Variants in FOXN3 observed in about 807,000 individuals in gnomAD.
The protein encoded by FOXN3 is forkhead box N3.
In FOXN3, 7 loss-of-function variants were observed where a neutral mutation model predicts 38.4. That is an observed-to-expected ratio of 0.18 (90% confidence interval 0.10 to 0.34). The LOEUF is 0.34. Ranked by LOEUF, FOXN3 falls within the 10% of genes least tolerant of loss-of-function variation. The probability of loss-of-function intolerance (pLI) is 1.00; values close to 1 mark genes in which losing one functional copy is unlikely to be tolerated. For synonymous variants in FOXN3, 230 were observed against 242.2 expected, an observed-to-expected ratio of 0.95 and a Z score of 0.47; for missense variants, 456 against 613.4, an observed-to-expected ratio of 0.74 and a Z score of 2.71.
intron 2 of FOXN3, among the ~76,000 whole-genome samples, chr14:89,385,269 C>T (rs773651872): frequency 2.0e-5 from 3 of 151,964 alleles, no homozygotes; most frequent in Non-Finnish European, 2.9e-5. Flanking sequence ...CATAAACATG[C>T]TAATAAAGAA....
chr14:89,525,751 G>A (rs546989004), intron 1 of FOXN3, among the ~76,000 whole-genome samples: 2 of 151,942 alleles, frequency 1.3e-5, no homozygotes, highest in African/African-American at 4.8e-5. Flanking sequence ...GAAGAGGACA[G>A]AGTGCCTTCT....
chr14:89,398,018 C>T (rs1438059584), intron 2 of FOXN3, among the ~76,000 whole-genome samples: 1 of 152,172 alleles, frequency 6.6e-6, no homozygotes, highest in Non-Finnish European at 1.5e-5. Flanking sequence ...GTCTGACTAT[C>T]CTGAAGGAAC....
intron 4 of FOXN3, chr14:89,230,978 C>T (rs1358607176): frequency 4.9e-6 from 2 of 404,712 alleles, no homozygotes; most frequent in African/African-American, 4.1e-5. Flanking sequence ...TAGCACATAG[C>T]CACTAGCTCT....
intron 1 of FOXN3, among the ~76,000 whole-genome samples, chr14:89,536,501 G>A (rs764598971): frequency 6.6e-6 from 1 of 152,166 alleles, no homozygotes; most frequent in African/African-American, 2.4e-5. Flanking sequence ...AAATAAGGTC[G>A]GCGGGCGCGG....
chr14:89,497,159 T>C (rs1343720572), intron 1 of FOXN3, among the ~76,000 whole-genome samples: 2 of 151,866 alleles, frequency 1.3e-5, no homozygotes, highest in African/African-American at 4.8e-5. Context: ...TTTCGCCATG[T>C]CGGCCAGGCT....
chr14:89,568,453 A>G (rs904653816), intron 1 of FOXN3, among the ~76,000 whole-genome samples: 3 of 152,088 alleles, frequency 2.0e-5, no homozygotes, highest in African/African-American at 4.8e-5. Context: ...TCTCCCTCAC[A>G]GTCGCTCCTT....
At chr14:89,604,738 T>A (rs1273164127) in intron 1 of FOXN3, among the ~76,000 whole-genome samples, 1 of 152,122 alleles carries the variant, frequency 6.6e-6, no homozygotes, top group African/African-American at 2.4e-5. Context: ...CACTTTATGA[T>A]AAAATTGCCA....
intron 4 of FOXN3, among the ~76,000 whole-genome samples, chr14:89,273,898 G>T (rs1412734074): frequency 2.0e-5 from 3 of 152,212 alleles, no homozygotes; most frequent in Non-Finnish European, 4.4e-5. Flanking sequence ...AAGGCAATTA[G>T]GACTTAGGTG....
At chr14:89,589,186 C>T (rs1895904849) in intron 1 of FOXN3, among the ~76,000 whole-genome samples, 1 of 152,032 alleles carries the variant, frequency 6.6e-6, no homozygotes, top group Non-Finnish European at 1.5e-5. Context: ...CATGTGCACT[C>T]CCAGATCATG....
At chr14:89,555,482 A>G (rs1168877332) in intron 1 of FOXN3, among the ~76,000 whole-genome samples, 2 of 152,176 alleles carry the variant, frequency 1.3e-5, no homozygotes, top group African/African-American at 2.4e-5. Flanking sequence ...GCTAGTTTGT[A>G]TCTCTTATTA....
At chr14:89,172,146 A>G (rs1454743590) in intron 5 of FOXN3, among the ~76,000 whole-genome samples, 2 of 152,254 alleles carry the variant, frequency 1.3e-5, no homozygotes, top group South Asian at 2.1e-4. Context: ...AATCTAACTG[A>G]ACAGGCATAA....
rs530093481 is a variant in FOXN3 at position 89,163,551 on chromosome 14, G to A, written c.852-582C>T. On this transcript the variant is annotated intron_variant, in intron 5 of 5. Coordinates refer to ENST00000557258, the MANE Select transcript of FOXN3 (RefSeq NM_005197.4). This position sits in a 1 kb window ranked among gnomAD's most constrained non-coding sequence, Gnocchi z 4.3. ...AATGCATGACCTTAGGGAGGGTTCTGGGGGAGGGACACGGGGTTGGATCGG... is the reference window on the plus strand; with the variant it reads ...AATGCATGACCTTAGGGAGGGTTCTAGGGGAGGGACACGGGGTTGGATCGG... Among the ~76,000 whole-genome samples, 6 of 152,180 alleles carry A rather than the reference G, an allele frequency of 3.9e-5. No homozygotes were observed. The highest frequency in any genetic ancestry group is 2.1e-4 in the South Asian group (1 of 4,816).
intron 1 of FOXN3, among the ~76,000 whole-genome samples, chr14:89,517,954 C>T (rs1048490637): frequency 6.6e-6 from 1 of 152,158 alleles, no homozygotes; most frequent in African/African-American, 2.4e-5. Flanking sequence ...CAAATTTGTA[C>T]ACATCCAATT....
rs944182601 is a variant in FOXN3, at chr14:89,534,446, C to T, written c.-15+84582G>A. Among the ~76,000 whole-genome samples the T allele has an allele frequency of 1.6e-4, 25 of 151,928 alleles. 2 individuals carry two copies. The highest frequency in any genetic ancestry group is 1.5e-5 in the Non-Finnish European group (1 of 67,988). On this transcript the variant is annotated intron_variant, in intron 1 of 6. Transcript: ENST00000345097. ...GGAAAAACTTTCAAGACTCATTTTT[C>T]GAAGAAACATTGGAATTTTACCTTT...
At chr14:89,464,949 G>C (rs529706470) in intron 1 of FOXN3, among the ~76,000 whole-genome samples, 1 of 152,034 alleles carries the variant, frequency 6.6e-6, no homozygotes, top group Non-Finnish European at 1.5e-5. Flanking sequence ...GCCCACCTTG[G>C]CCACCCAAAG....
intron 4 of FOXN3, among the ~76,000 whole-genome samples, chr14:89,234,993 T>C (rs1180227903): frequency 1.3e-5 from 2 of 152,204 alleles, no homozygotes; most frequent in Non-Finnish European, 2.9e-5. Context: ...GCCTCTGACC[T>C]TTCCTGGCTT....
intron 4 of FOXN3, among the ~76,000 whole-genome samples, chr14:89,265,835 C>T (rs527512975): frequency 5.3e-5 from 8 of 152,222 alleles, no homozygotes; most frequent in South Asian, 2.1e-4. Flanking sequence ...TCGGGGCATA[C>T]GGTGATGTAG....
chr14:89,178,419 A>C (rs1309462108), intron 5 of FOXN3, among the ~76,000 whole-genome samples: 4 of 152,064 alleles, frequency 2.6e-5, no homozygotes, highest in Admixed American at 2.6e-4. Flanking sequence ...CAAAGTGCTG[A>C]GATTATAGGC....
chr14:89,445,456 A>C (rs909741762), intron 1 of FOXN3, among the ~76,000 whole-genome samples: 4 of 152,184 alleles, frequency 2.6e-5, no homozygotes, highest in Non-Finnish European at 5.9e-5. Context: ...GCTGGGCAAG[A>C]GGCACTTCCT....
Sources: gnomAD v4.1 joint callset for allele counts (sites outside exome capture counted in the v4.1 genomes callset) on GRCh38, gnomAD v4.1.1 for gene constraint, Gnocchi (gnomAD v3.1) non-coding constraint, MANE v1.5 for transcripts, NCBI Gene and HGNC (gene_info 2026-07-23, HGNC 2026-07-21) for gene names.